OR2L13: variants seen among roughly 807,000 people sequenced by gnomAD.
OR2L13 encodes olfactory receptor 2L13.
A neutral mutation model predicts 15.3 loss-of-function variants in OR2L13; 14 were observed. The observed-to-expected ratio is 0.91, with a 90% confidence interval of 0.60 to 1.43. The LOEUF (loss-of-function observed/expected upper bound fraction) is 1.43, where lower values mean the gene tolerates loss of function less well. Ranked by LOEUF, OR2L13 falls within the 40% of genes most tolerant of loss-of-function variation. The probability of loss-of-function intolerance (pLI) is 0.00; values close to 1 mark genes in which losing one functional copy is unlikely to be tolerated. For synonymous variants in OR2L13, 152 were observed against 142.9 expected (o/e 1.06, Z -0.45); for missense variants, 367 against 387.9 (o/e 0.95, Z 0.45).
chr1:247,985,937 A>G, the OR2L13 span, among the ~76,000 whole-genome samples: 5,887 of 152,008 alleles, frequency 0.039, 351 homozygotes, highest in African/African-American at 0.13. Context: ...CATATCTTTC[A>G]CCCACTTTTT....
chr1:248,004,089 T>A, the OR2L13 span: 5 of 1,581,138 alleles, frequency 3.2e-6, no homozygotes, highest in Non-Finnish European at 4.3e-6. Context: ...CTGCCTAAGG[T>A]TTCAGGACTC....
At chr1:248,013,096 T>C in the OR2L13 span, among the ~76,000 whole-genome samples, 1 of 151,890 alleles carries the variant, frequency 6.6e-6, no homozygotes, top group Admixed American at 6.6e-5. Flanking sequence ...AATATATATT[T>C]AAAATATGTT....
the OR2L13 span, among the ~76,000 whole-genome samples, chr1:248,017,629 G>A: frequency 3.3e-5 from 5 of 152,130 alleles, no homozygotes; most frequent in Non-Finnish European, 7.3e-5. Context: ...ATGGGGTCTT[G>A]GCGTGAATGA....
chr1:248,088,564 T>G, the OR2L13 span, among the ~76,000 whole-genome samples: 1 of 152,152 alleles, frequency 6.6e-6, no homozygotes, highest in Non-Finnish European at 1.5e-5. Flanking sequence ...CCATGTTCAT[T>G]GATGTCATTA....
chr1:247,971,539 T>C, the OR2L13 span, among the ~76,000 whole-genome samples: 2 of 152,300 alleles, frequency 1.3e-5, no homozygotes, highest in Admixed American at 1.3e-4. Context: ...TTCAGACACA[T>C]TAAGTGAATT....
chr1:247,949,456 T>C, the OR2L13 span: 1 of 1,594,732 alleles, frequency 6.3e-7, no homozygotes, highest in South Asian at 1.1e-5. Context: ...ACAGTGTTTT[T>C]GAGTGCCACC....
the OR2L13 span, among the ~76,000 whole-genome samples, chr1:247,967,251 T>TA: frequency 1.3e-5 from 2 of 152,154 alleles, no homozygotes; most frequent in Admixed American, 6.5e-5. Flanking sequence ...TTTTTTGAGA[T>TA]AGAGTCTTGT....
At chr1:248,086,081 A>G in the OR2L13 span, among the ~76,000 whole-genome samples, 2 of 152,224 alleles carry the variant, frequency 1.3e-5, no homozygotes, top group East Asian at 3.8e-4. Flanking sequence ...TTTTTAAGCC[A>G]TAGTGCATAT....
the OR2L13 span, among the ~76,000 whole-genome samples, chr1:248,009,182 A>G: frequency 4.4e-4 from 67 of 152,240 alleles, no homozygotes; most frequent in African/African-American, 1.4e-3. Flanking sequence ...AGAAATAACT[A>G]AGATCAGAGG....
the OR2L13 span, among the ~76,000 whole-genome samples, chr1:248,072,688 G>A: frequency 6.6e-6 from 1 of 151,756 alleles, no homozygotes; most frequent in Non-Finnish European, 1.5e-5. Context: ...GAGTGAACAG[G>A]CAACCTACAA....
the OR2L13 span, among the ~76,000 whole-genome samples, chr1:248,076,988 T>C: frequency 1.3e-5 from 2 of 152,164 alleles, no homozygotes; most frequent in East Asian, 3.9e-4. Context: ...TTGTCATAAA[T>C]TGCTCTGATT....
the OR2L13 span, among the ~76,000 whole-genome samples, chr1:248,080,190 A>G: frequency 4.6e-5 from 7 of 152,300 alleles, no homozygotes; most frequent in African/African-American, 1.4e-4. Context: ...ATTTGCATTA[A>G]CTGTATTAAA....
At chr1:248,090,562 G>T (rs956348665), upstream of OR2L13, among the ~76,000 whole-genome samples, 3 of 152,158 alleles carry the variant, frequency 2.0e-5, no homozygotes, top group Admixed American at 6.5e-5. Context: ...TCCTTGGTTG[G>T]TTTGCTTAGG....
chr1:248,066,598 C>G, the OR2L13 span, among the ~76,000 whole-genome samples: 1 of 152,198 alleles, frequency 6.6e-6, no homozygotes, highest in Admixed American at 6.5e-5. Context: ...GACTTAATCT[C>G]AGCTATTTTG....
At chr1:247,961,872 G>T in the OR2L13 span, among the ~76,000 whole-genome samples, 1 of 152,120 alleles carries the variant, frequency 6.6e-6, no homozygotes, top group African/African-American at 2.4e-5. Flanking sequence ...CCTGATTCTC[G>T]TGTGTTTCTG....
chr1:248,097,556 A>T (rs2103199385), intron 1 of OR2L13, among the ~76,000 whole-genome samples: 1 of 152,294 alleles, frequency 6.6e-6, no homozygotes. Flanking sequence ...CCACTTTTCC[A>T]TTTTTGGAAA....
At chr1:248,077,301 CT>C in the OR2L13 span, among the ~76,000 whole-genome samples, 1 of 152,108 alleles carries the variant, frequency 6.6e-6, no homozygotes, top group East Asian at 1.9e-4. Flanking sequence ...GTCTAAAATT[CT>C]CTTTTTTTGT....
chr1:248,080,728 T>C, the OR2L13 span, among the ~76,000 whole-genome samples: 1 of 152,242 alleles, frequency 6.6e-6, no homozygotes, highest in Non-Finnish European at 1.5e-5. Context: ...ATAGCTGCAA[T>C]AAACATACGT....
At chr1:247,998,256 A>C in the OR2L13 span, among the ~76,000 whole-genome samples, 19 of 152,188 alleles carry the variant, frequency 1.2e-4, no homozygotes, top group Non-Finnish European at 2.8e-4. Context: ...TACAGGCAAC[A>C]AAAAGTGGTT....
Sources: allele counts gnomAD v4.1 joint callset (sites outside exome capture counted in the v4.1 genomes callset), GRCh38; gene constraint gnomAD v4.1.1; transcripts MANE v1.5; gene names NCBI Gene and HGNC (gene_info 2026-07-23, HGNC 2026-07-21).